Variants in RPTOR observed in about 807,000 individuals in gnomAD.
RPTOR encodes regulatory associated protein of MTOR complex 1, also known as regulatory-associated protein of mTOR.
A neutral mutation model predicts 169.9 loss-of-function variants in RPTOR; 21 were observed. That is an observed-to-expected ratio of 0.12 (90% CI 0.09 to 0.18). RPTOR has a LOEUF of 0.18. RPTOR is among the 10% of genes least tolerant of loss of function. The pLI, the probability that RPTOR is intolerant of heterozygous loss-of-function variation, is 1.00. For synonymous variants in RPTOR, 732 were observed against 753.2 expected, an observed-to-expected ratio of 0.97 and a Z score of 0.46; for missense variants, 1,133 against 1,855.9, an observed-to-expected ratio of 0.61 and a Z score of 7.16.
chr17:80,775,417 T>C (rs968918080), intron 6 of RPTOR, among the ~76,000 whole-genome samples: 2 of 152,350 alleles, frequency 1.3e-5, no homozygotes, highest in Middle Eastern at 3.4e-3. Context: ...GCCAGTCTTC[T>C]CTTTTCTTTA....
chr17:80,554,771 A>AC (rs35128350), intron 1 of RPTOR, among the ~76,000 whole-genome samples: 2 of 134,982 alleles, frequency 1.5e-5, no homozygotes, highest in Non-Finnish European at 1.6e-5. Context: ...AACAAAACAA[A>AC]CAACAACAAC....
intron 7 of RPTOR, among the ~76,000 whole-genome samples, chr17:80,814,644 C>T (rs2067305481): frequency 2.0e-5 from 3 of 152,170 alleles, no homozygotes; most frequent in African/African-American, 4.8e-5. Context: ...CGTATGTATG[C>T]GGCACCTGTT....
intron 3 of RPTOR, among the ~76,000 whole-genome samples, chr17:80,705,034 C>T (rs930354677): frequency 8.5e-5 from 13 of 152,372 alleles, no homozygotes; most frequent in Middle Eastern, 3.4e-3. Context: ...GCAGGTGACA[C>T]GCTGCCTCCC....
At chr17:80,715,166 G>T (rs185076377) in intron 4 of RPTOR, among the ~76,000 whole-genome samples, 3 of 152,180 alleles carry the variant, frequency 2.0e-5, no homozygotes, top group African/African-American at 4.8e-5. Context: ...TGTTTTTTTT[G>T]AAAGGATCAG....
intron 24 of RPTOR, among the ~76,000 whole-genome samples, chr17:80,929,964 G>T (rs997143302): frequency 6.6e-6 from 1 of 151,932 alleles, no homozygotes; most frequent in South Asian, 2.1e-4. Flanking sequence ...AAGTCCCCTC[G>T]TGCCACCCTC....
intron 13 of RPTOR, among the ~76,000 whole-genome samples, chr17:80,859,797 T>A (rs1021129927): frequency 1.1e-4 from 16 of 152,220 alleles, no homozygotes; most frequent in Non-Finnish European, 1.6e-4. Flanking sequence ...GGCTTTCATA[T>A]GCAAAGTCTC....
chr17:80,664,512 G>A (rs2065748935), intron 3 of RPTOR, among the ~76,000 whole-genome samples: 2 of 146,346 alleles, frequency 1.4e-5, no homozygotes, highest in East Asian at 4.1e-4. Context: ...TTCAGTGCTT[G>A]CTCTTCCCTC....
chr17:80,865,649 A>G (rs951134995), intron 13 of RPTOR, among the ~76,000 whole-genome samples: 1 of 152,140 alleles, frequency 6.6e-6, no homozygotes, highest in African/African-American at 2.4e-5. Context: ...GAGTTTCAAA[A>G]TACATCCAAC....
At chr17:80,795,958 C>T (rs976248118) in intron 7 of RPTOR, among the ~76,000 whole-genome samples, 23 of 152,344 alleles carry the variant, frequency 1.5e-4, no homozygotes, top group East Asian at 1.2e-3. Flanking sequence ...GTTCTGTAAG[C>T]GTCTCCCACG....
chr17:80,690,782 G>C (rs1321589587), intron 3 of RPTOR, among the ~76,000 whole-genome samples: 1 of 152,132 alleles, frequency 6.6e-6, no homozygotes, highest in East Asian at 1.9e-4. Flanking sequence ...ATTATGAAAA[G>C]ATGGTGTTAT....
At chr17:80,580,555 TTA>T (rs2065005390) in intron 1 of RPTOR, among the ~76,000 whole-genome samples, 1 of 152,206 alleles carries the variant, frequency 6.6e-6, no homozygotes, top group Non-Finnish European at 1.5e-5. Flanking sequence ...GTCAGTTTCA[TTA>T]TGTTTAATTG....
chr17:80,574,260 G>A (rs2064938956), intron 1 of RPTOR, among the ~76,000 whole-genome samples: 1 of 150,104 alleles, frequency 6.7e-6, no homozygotes. Context: ...CGCTTCCCGG[G>A]TTCACGCCAT....
intron 3 of RPTOR, among the ~76,000 whole-genome samples, chr17:80,702,871 G>A (rs2066112903): frequency 6.6e-6 from 1 of 152,210 alleles, no homozygotes; most frequent in South Asian, 2.1e-4. Flanking sequence ...CTGTGGAGCT[G>A]TGACTTCAGC....
At chr17:80,867,362 TA>T (rs35953303) in intron 13 of RPTOR, among the ~76,000 whole-genome samples, 30 of 147,830 alleles carry the variant, frequency 2.0e-4, no homozygotes, top group Middle Eastern at 7.0e-3. Flanking sequence ...ACTTCTGATT[TA>T]AAAAAAAAAA....
At chr17:80,687,238 C>T (rs770732048) in intron 3 of RPTOR, among the ~76,000 whole-genome samples, 3 of 152,226 alleles carry the variant, frequency 2.0e-5, no homozygotes, top group Non-Finnish European at 4.4e-5. Context: ...GCCTGGTTCA[C>T]GTTTGCTCTT....
intron 7 of RPTOR, among the ~76,000 whole-genome samples, chr17:80,809,152 G>T (rs777491438): frequency 6.6e-6 from 1 of 152,220 alleles, no homozygotes; most frequent in African/African-American, 2.4e-5. Flanking sequence ...CAGTTGTGGC[G>T]CATCCATGTC....
chr17:80,585,052 T>C (rs1052262487), intron 1 of RPTOR, among the ~76,000 whole-genome samples: 1 of 152,172 alleles, frequency 6.6e-6, no homozygotes, highest in African/African-American at 2.4e-5. Context: ...TTTGCTTTTA[T>C]GTGAATAGCT....
chr17:80,665,511 T>TTCCTTTCCATG (rs2065769459), intron 3 of RPTOR, among the ~76,000 whole-genome samples: 1 of 88,862 alleles, frequency 1.1e-5, no homozygotes, highest in East Asian at 2.6e-4. Context: ...TCCATGTCCT[T>TTCCTTTCCATG]TCCTTTCCTT....
rs113585967 is a variant in RPTOR, at chr17:80,957,557, C to T, written c.3371-67C>T. The T allele has an allele frequency of 4.1e-6, 6 of 1,463,796 alleles. No homozygotes were observed. In the East Asian group the frequency reaches 6.8e-5, roughly 17 times the overall value. The allele number at this position is 1,463,796 out of a possible 1,614,324, so 90.7% of individuals were successfully genotyped here. A position where few individuals can be genotyped will look rare whatever the true frequency, so the allele number is the denominator to read the frequency against. On this transcript the variant is annotated intron_variant, in intron 28 of 33. Transcript: ENST00000306801. The surrounding 1 kb of genome is among the most constrained non-coding windows in gnomAD (Gnocchi z 4.6). Reference sequence around the variant, plus strand: ...CTGCTGGCCAAATTGCTGCCCAGAGCAGGCCCCAAAGCCTGCCCAAGGCAA... The same window carrying T: ...CTGCTGGCCAAATTGCTGCCCAGAGTAGGCCCCAAAGCCTGCCCAAGGCAA...
Sources: gnomAD v4.1 joint callset for allele counts (sites outside exome capture counted in the v4.1 genomes callset) on GRCh38, gnomAD v4.1.1 for gene constraint, Gnocchi (gnomAD v3.1) non-coding constraint, MANE v1.5 for transcripts, NCBI Gene and HGNC (gene_info 2026-07-23, HGNC 2026-07-21) for gene names.